The following MEGF11 variants were observed in gnomAD, a reference collection of about 807,000 sequenced individuals.
The protein encoded by MEGF11 is multiple EGF like domains 11.
MEGF11 carries 126 observed loss-of-function variants against 146.6 expected under a neutral mutation model. The observed-to-expected ratio is 0.86, with a 90% CI of 0.74 to 1.00. MEGF11 has a LOEUF of 1.00. Ranked by LOEUF, MEGF11 falls within the 50% of genes least tolerant of loss-of-function variation. The probability of loss-of-function intolerance (pLI) is 0.00; values close to 1 mark genes in which losing one functional copy is unlikely to be tolerated. For synonymous variants in MEGF11, 532 were observed against 583.4 expected, an observed-to-expected ratio of 0.91 and a Z score of 1.27; for missense variants, 1,509 against 1,521.2, an observed-to-expected ratio of 0.99 and a Z score of 0.13.
chr15:66,189,498 T>C (rs11634258), intron 1 of MEGF11, among the ~76,000 whole-genome samples: 100,858 of 152,020 alleles, frequency 0.66, 33,736 homozygotes, highest in Admixed American at 0.73. Context: ...ACACAGGTGA[T>C]AAGCAGTAAA....
At chr15:65,930,996 C>T in intron 10 of MEGF11, 53 bp from the exon 11 acceptor site, 1 of 1,475,184 alleles carries the variant, frequency 6.8e-7, no homozygotes, top group East Asian at 2.6e-5. Flanking sequence ...TGTTGGATGG[C>T]TGTGGTAGGC....
At chr15:65,961,974 C>T (rs376101660) in intron 9 of MEGF11, among the ~76,000 whole-genome samples, 3 of 152,080 alleles carry the variant, frequency 2.0e-5, no homozygotes, top group Non-Finnish European at 4.4e-5. Context: ...GATTGGGAAA[C>T]GTATGCATAG....
chr15:66,024,117 A>G, intron 5 of MEGF11, among the ~76,000 whole-genome samples: 1 of 152,214 alleles, frequency 6.6e-6, no homozygotes, highest in East Asian at 1.9e-4. Flanking sequence ...CAGAGTGAGG[A>G]ACCAGACTCT....
At position 65,926,702 on chromosome 15, in the gene MEGF11, C is replaced by T. The variant is rs75742944; in HGVS notation, c.1675+1723G>A. 3.6e-4 allele frequency among the ~76,000 whole-genome samples: 55 copies of T among 152,302 alleles called. No homozygotes were observed. The East Asian group carries it at 0.01, about 28-fold the overall frequency. ...CACTTCTTTGAAAAGACTTCAGGACCACATTTGGGGAAATTAGGTTTAGAA... is the reference window on the plus strand; with the variant it reads ...CACTTCTTTGAAAAGACTTCAGGACTACATTTGGGGAAATTAGGTTTAGAA... On this transcript the variant is annotated intron_variant, in intron 13 of 25. Coordinates refer to ENST00000395614, the MANE Select transcript of MEGF11 (RefSeq NM_001385028.1).
chr15:65,911,493 C>T (rs552708471), intron 21 of MEGF11, among the ~76,000 whole-genome samples: 1 of 152,294 alleles, frequency 6.6e-6, no homozygotes, highest in African/African-American at 2.4e-5. Flanking sequence ...CTCACGGCAG[C>T]CTCCACCTCC....
intron 3 of MEGF11, among the ~76,000 whole-genome samples, chr15:66,119,580 C>T (rs975369663): frequency 6.6e-6 from 1 of 152,044 alleles, no homozygotes; most frequent in Non-Finnish European, 1.5e-5. Flanking sequence ...TCTGTGCCCG[C>T]CCTGTCCCAC....
intron 4 of MEGF11, among the ~76,000 whole-genome samples, chr15:66,103,162 G>A (rs1003786962): frequency 6.6e-6 from 1 of 152,214 alleles, no homozygotes; most frequent in African/African-American, 2.4e-5. Context: ...CGCACACAGT[G>A]GGGGTCAGAC....
chr15:66,160,195 A>G (rs1006932499), intron 1 of MEGF11, among the ~76,000 whole-genome samples: 1 of 151,278 alleles, frequency 6.6e-6, no homozygotes, highest in Non-Finnish European at 1.5e-5. Context: ...TAGGCTAGAA[A>G]GGGCTTTGTT....
At chr15:66,099,217 T>C (rs2140736624) in intron 4 of MEGF11, among the ~76,000 whole-genome samples, 1 of 148,922 alleles carries the variant, frequency 6.7e-6, no homozygotes, top group Non-Finnish European at 1.5e-5. Flanking sequence ...TTTTTTTTTT[T>C]TTTTTGATAT....
intron 8 of MEGF11, among the ~76,000 whole-genome samples, chr15:65,965,613 C>CTTTTTTTTTT (rs1186551497): frequency 1.9e-5 from 1 of 53,522 alleles, no homozygotes; most frequent in Non-Finnish European, 3.2e-5. Flanking sequence ...TTTTTTTTTT[C>CTTTTTTTTTT]TTTTTTTTTT....
chr15:66,066,315 C>A (rs1363321975), intron 5 of MEGF11, among the ~76,000 whole-genome samples: 1 of 152,094 alleles, frequency 6.6e-6, no homozygotes, highest in Non-Finnish European at 1.5e-5. Context: ...CCAGAGCCCC[C>A]CAGTTGGTTG....
At chr15:66,128,895 T>C (rs1384889217) in intron 1 of MEGF11, among the ~76,000 whole-genome samples, 6 of 152,142 alleles carry the variant, frequency 3.9e-5, no homozygotes, top group Non-Finnish European at 8.8e-5. Flanking sequence ...GGTGTGGACC[T>C]GGGGGGAAAT....
intron 5 of MEGF11, among the ~76,000 whole-genome samples, chr15:66,052,339 CCT>C (rs1017335323): frequency 1.1e-4 from 16 of 152,138 alleles, no homozygotes; most frequent in African/African-American, 3.6e-4. Flanking sequence ...TGTTACTTCC[CCT>C]GTTACTCTGG....
chr15:65,917,840 C>T, intron 16 of MEGF11, 126 bp downstream of exon 16: 1 of 1,120,184 alleles, frequency 8.9e-7, no homozygotes, highest in Non-Finnish European at 1.3e-6. Context: ...GGGGCTCATT[C>T]CTACATGCAG....
chr15:65,979,523 G>A (rs1469872156), intron 7 of MEGF11, among the ~76,000 whole-genome samples: 1 of 152,212 alleles, frequency 6.6e-6, no homozygotes, highest in African/African-American at 2.4e-5. Flanking sequence ...GGAGGTGGTG[G>A]ACTGTGTCGC....
intron 4 of MEGF11, among the ~76,000 whole-genome samples, chr15:66,099,239 C>T (rs2086685173): frequency 8.4e-6 from 1 of 118,778 alleles, no homozygotes; most frequent in Non-Finnish European, 1.6e-5. Context: ...GAGTCTTGCT[C>T]TGGTGCAATC....
At chr15:66,101,777 T>TA (rs1458032128) in intron 4 of MEGF11, among the ~76,000 whole-genome samples, 1 of 152,242 alleles carries the variant, frequency 6.6e-6, no homozygotes, top group Non-Finnish European at 1.5e-5. Context: ...ATAATTAAGC[T>TA]ATAAGACCAG....
At chr15:66,204,287 A>C (rs151283172) in intron 1 of MEGF11, among the ~76,000 whole-genome samples, 89 of 152,280 alleles carry the variant, frequency 5.8e-4, no homozygotes, top group African/African-American at 2.0e-3. Context: ...CTGTAGTCCC[A>C]GCTACTCAGA....
intron 5 of MEGF11, among the ~76,000 whole-genome samples, chr15:66,069,982 C>T (rs200596742): frequency 1.3e-5 from 2 of 152,310 alleles, no homozygotes; most frequent in East Asian, 3.9e-4. Flanking sequence ...CCATAGCTTG[C>T]TGACCACCGC....
Sources: gnomAD v4.1 joint callset for allele counts (sites outside exome capture counted in the v4.1 genomes callset) on GRCh38, gnomAD v4.1.1 for gene constraint, MANE v1.5 for transcripts, NCBI Gene and HGNC (gene_info 2026-07-23, HGNC 2026-07-21) for gene names.